GALNTL6: variants seen among roughly 807,000 people sequenced by gnomAD.
The protein encoded by GALNTL6 is polypeptide N-acetylgalactosaminyltransferase like 6.
Under a neutral mutation model 73.7 loss-of-function variants are expected in GALNTL6, and 46 were observed. That is an observed-to-expected ratio of 0.62 (90% CI 0.49 to 0.80). The LOEUF (loss-of-function observed/expected upper bound fraction) is 0.80, where lower values mean the gene tolerates loss of function less well. Among genes scored for constraint, GALNTL6 ranks in the 30% least tolerant of loss-of-function variants. The pLI is 0.00. For missense variants in GALNTL6, 604 were observed against 755.0 expected, an observed-to-expected ratio of 0.80 and a Z score of 2.34; for synonymous variants, 259 against 263.7, an observed-to-expected ratio of 0.98 and a Z score of 0.17.
chr4:172,846,931 T>C (rs984055295), intron 7 of GALNTL6, among the ~76,000 whole-genome samples: 22 of 152,276 alleles, frequency 1.4e-4, no homozygotes, highest in African/African-American at 5.3e-4. Context: ...TTTTTCTTTG[T>C]TTCTTTCTCT....
intron 2 of GALNTL6, among the ~76,000 whole-genome samples, chr4:171,938,193 C>A (rs947512708): frequency 9.9e-5 from 15 of 152,024 alleles, no homozygotes. Context: ...TGGGTCTTTT[C>A]CAATGCCTGC....
At chr4:172,150,224 C>T (rs1734041757) in intron 2 of GALNTL6, among the ~76,000 whole-genome samples, 1 of 152,156 alleles carries the variant, frequency 6.6e-6, no homozygotes, top group Admixed American at 6.5e-5. Context: ...TAGTGCCAGC[C>T]TTGCATACTC....
chr4:172,354,668 G>C (rs1272009479), intron 5 of GALNTL6, among the ~76,000 whole-genome samples: 1 of 152,038 alleles, frequency 6.6e-6, no homozygotes, highest in Non-Finnish European at 1.5e-5. Flanking sequence ...AAAAGTCTTT[G>C]TGCATTCGTA....
intron 11 of GALNTL6, among the ~76,000 whole-genome samples, chr4:173,017,973 T>C (rs1476521607): frequency 6.6e-6 from 1 of 152,194 alleles, no homozygotes; most frequent in African/African-American, 2.4e-5. Flanking sequence ...AAGACACTCA[T>C]TTTCTGCAGG....
chr4:172,981,761 T>C (rs1034134037), intron 10 of GALNTL6, among the ~76,000 whole-genome samples: 1 of 151,422 alleles, frequency 6.6e-6, no homozygotes, highest in Non-Finnish European at 1.5e-5. Context: ...AGGACTTGCA[T>C]TAAATCTATA....
At chr4:172,134,045 T>C (rs1445882531) in intron 2 of GALNTL6, among the ~76,000 whole-genome samples, 3 of 152,092 alleles carry the variant, frequency 2.0e-5, no homozygotes, top group African/African-American at 7.2e-5. Flanking sequence ...ATTAGGAAAC[T>C]TTCTATGGTA....
chr4:172,035,692 A>G (rs955221214), intron 2 of GALNTL6, among the ~76,000 whole-genome samples: 2 of 152,140 alleles, frequency 1.3e-5, no homozygotes, highest in African/African-American at 4.8e-5. Flanking sequence ...AACATTTTCT[A>G]CAAAGCGACA....
chr4:172,725,032 G>GT (rs570582528), intron 5 of GALNTL6, among the ~76,000 whole-genome samples: 340 of 152,062 alleles, frequency 2.2e-3, no homozygotes, highest in African/African-American at 8.0e-3. Flanking sequence ...AATTTTCTGG[G>GT]TTTTTTTCAA....
intron 5 of GALNTL6, among the ~76,000 whole-genome samples, chr4:172,544,812 A>G (rs1157490365): frequency 6.6e-6 from 1 of 152,240 alleles, no homozygotes; most frequent in Non-Finnish European, 1.5e-5. Flanking sequence ...ATGTGTGAAG[A>G]AATAAAATCT....
At chr4:173,029,359 G>A (rs969937243) in intron 12 of GALNTL6, among the ~76,000 whole-genome samples, 3 of 152,082 alleles carry the variant, frequency 2.0e-5, no homozygotes, top group Non-Finnish European at 4.4e-5. Context: ...ATACCTGCCT[G>A]GTTTTTAATC....
At chr4:172,517,880 C>G (rs1734657803) in intron 5 of GALNTL6, among the ~76,000 whole-genome samples, 1 of 152,022 alleles carries the variant, frequency 6.6e-6, no homozygotes, top group African/African-American at 2.4e-5. Flanking sequence ...ATAGCTTATC[C>G]AAACCTAATT....
intron 7 of GALNTL6, among the ~76,000 whole-genome samples, chr4:172,869,711 C>T (rs1182380773): frequency 6.6e-6 from 1 of 152,138 alleles, no homozygotes; most frequent in African/African-American, 2.4e-5. Flanking sequence ...AGCCTACATC[C>T]TTTCACCATC....
At chr4:172,602,472 T>C (rs1738095908) in intron 5 of GALNTL6, among the ~76,000 whole-genome samples, 1 of 152,200 alleles carries the variant, frequency 6.6e-6, no homozygotes, top group Non-Finnish European at 1.5e-5. Context: ...TTATAGGTAG[T>C]GTAAAACATT....
At chr4:172,778,747 A>G (rs1739210883) in intron 5 of GALNTL6, among the ~76,000 whole-genome samples, 1 of 152,318 alleles carries the variant, frequency 6.6e-6, no homozygotes, top group Middle Eastern at 3.4e-3. Context: ...GTATTGCAGG[A>G]TTGCAAAACA....
At chr4:172,693,054 G>A (rs7659511) in intron 5 of GALNTL6, among the ~76,000 whole-genome samples, 64,806 of 151,980 alleles carry the variant, frequency 0.43, 16,041 homozygotes, top group East Asian at 0.68. Context: ...ACAACACTAC[G>A]ATTGGCCAAA....
intron 2 of GALNTL6, among the ~76,000 whole-genome samples, chr4:171,865,652 A>T (rs1578922993): frequency 6.6e-6 from 1 of 152,236 alleles, no homozygotes; most frequent in Non-Finnish European, 1.5e-5. Context: ...AGTTTTCAAC[A>T]CATAAATATG....
At chr4:172,395,542 G>A (rs1743817933) in intron 5 of GALNTL6, among the ~76,000 whole-genome samples, 1 of 152,016 alleles carries the variant, frequency 6.6e-6, no homozygotes, top group Admixed American at 6.6e-5. Context: ...TAATGGCACA[G>A]GAGTATATAA....
chr4:172,001,509 A>C (rs1186529789), intron 2 of GALNTL6, among the ~76,000 whole-genome samples: 1 of 152,158 alleles, frequency 6.6e-6, no homozygotes, highest in Non-Finnish European at 1.5e-5. Flanking sequence ...AGAGTACATG[A>C]AGTTTAGTTT....
chr4:172,145,362 G>A (rs1047408624), intron 2 of GALNTL6, among the ~76,000 whole-genome samples: 13 of 151,984 alleles, frequency 8.6e-5, no homozygotes, highest in African/African-American at 2.7e-4. Context: ...GAAGGGTCTC[G>A]ATCTCCTGAC....
Sources: allele counts gnomAD v4.1 joint callset (sites outside exome capture counted in the v4.1 genomes callset), GRCh38; gene constraint gnomAD v4.1.1; transcripts MANE v1.5; gene names NCBI Gene and HGNC (gene_info 2026-07-23, HGNC 2026-07-21).